LRP5: variants seen among roughly 807,000 people sequenced by gnomAD.
LRP5 encodes LDL receptor related protein 5, also known as low-density lipoprotein receptor-related protein 5.
In LRP5, 62 loss-of-function variants were observed where a neutral mutation model predicts 154.1. The ratio of observed to expected loss-of-function variants is 0.40; its 90% CI spans 0.33 to 0.50. The LOEUF (loss-of-function observed/expected upper bound fraction) is 0.50, where lower values mean the gene tolerates loss of function less well. Among genes scored for constraint, LRP5 ranks in the 20% least tolerant of loss-of-function variants. The probability of loss-of-function intolerance (pLI) is 0.55; values close to 1 mark genes in which losing one functional copy is unlikely to be tolerated. For synonymous variants in LRP5, 966 were observed against 1,011.5 expected, an observed-to-expected ratio of 0.96 and a Z score of 0.85; for missense variants, 1,915 against 2,336.7, an observed-to-expected ratio of 0.82 and a Z score of 3.72.
Position 68,423,781 on chromosome 11 carries a change from C to T in LRP5, c.3236+84C>T, listed in dbSNP as rs2098667186. The T allele has an allele frequency of 6.6e-6, 9 of 1,370,876 alleles. No homozygotes were observed. In the South Asian group the frequency reaches 1.1e-4, roughly 17 times the overall value. The allele number at this position is 1,370,876 out of a possible 1,614,324, so 84.9% of individuals were successfully genotyped here. A position where few individuals can be genotyped will look rare whatever the true frequency, so the allele number is the denominator to read the frequency against. Reference sequence around the variant, plus strand: ...CTGCCGAATGCCAGCCTCTCACAGGCTGGGGAGACTTTCCACCCTGGGGAT... The same window carrying T: ...CTGCCGAATGCCAGCCTCTCACAGGTTGGGGAGACTTTCCACCCTGGGGAT... On this transcript the variant is annotated intron_variant, in intron 14 of 22. Transcript: ENST00000294304. This position sits in a 1 kb window ranked among gnomAD's most constrained non-coding sequence, Gnocchi z 4.7.
At chr11:68,352,030 G>A (rs2098619086) in intron 2 of LRP5, among the ~76,000 whole-genome samples, 1 of 152,148 alleles carries the variant, frequency 6.6e-6, no homozygotes, top group Admixed American at 6.5e-5. Flanking sequence ...GGACACATGA[G>A]GTCTCGAGCA....
At chr11:68,350,891 C>CGT (rs140197409) in intron 2 of LRP5, among the ~76,000 whole-genome samples, 116 of 150,860 alleles carry the variant, frequency 7.7e-4, no homozygotes, top group South Asian at 2.1e-3. Context: ...AGGATGTGAG[C>CGT]GTGTGTGTGT....
chr11:68,374,167 G>C (rs569810383), intron 5 of LRP5, among the ~76,000 whole-genome samples: 1 of 152,330 alleles, frequency 6.6e-6, no homozygotes, highest in African/African-American at 2.4e-5. Context: ...GGCCACTGTC[G>C]AGTCTGACGG....
chr11:68,423,584 G>C lies in LRP5; in HGVS notation c.3123G>C (p.Thr1041=). ...IDIYSRTLFW[T]CEATNTINVH... is the part of the protein sequence containing the mutation. Reference sequence around the variant, plus strand: ...TCTACAGCCGGACACTGTTCTGGACGTGCGAGGCCACCAATACCATCAACG... The same window carrying C: ...TCTACAGCCGGACACTGTTCTGGACCTGCGAGGCCACCAATACCATCAACG... Residue 1041 remains threonine, a synonymous_variant, in exon 14 of 23, where the codon ACG becomes ACC. Transcript: ENST00000294304. This position sits in a 1 kb window ranked among gnomAD's most constrained non-coding sequence, Gnocchi z 4.7. 1 of 1,614,220 alleles carries C rather than the reference G, an allele frequency of 6.2e-7. No individual in the cohort carries two copies. The highest frequency in any genetic ancestry group is 1.1e-5 in the South Asian group (1 of 91,086).
chr11:68,324,443 GCAGAGCTC>G (rs1184350167), intron 1 of LRP5, among the ~76,000 whole-genome samples: 4 of 152,160 alleles, frequency 2.6e-5, no homozygotes, highest in Non-Finnish European at 5.9e-5. Flanking sequence ...ATGGCCTGGG[GCAGAGCTC>G]CAGAGAGCCA....
At position 68,362,795 on chromosome 11, in the gene LRP5, A is replaced by T. The variant is rs189256924; in HGVS notation, c.687-952A>T. Among the ~76,000 whole-genome samples the T allele has an allele frequency of 2.1e-4, 32 of 152,264 alleles. 1 individual carries two copies. The highest frequency in any genetic ancestry group is 1.9e-3 in the Admixed American group (29 of 15,298). ...TGAACAGAAGAGGTGGTGGATCTGC[A>T]GAGCCCACAGCTCCCATCTTCCCTG... On this transcript the variant is annotated intron_variant, in intron 3 of 22. Transcript: ENST00000294304.
chr11:68,386,114 T>C lies in LRP5; in HGVS notation c.1016-202T>C, dbSNP rs1255769193. ...ATTTGTAAAATGAGGAAACAAACAGTGCCAGCCTCCCAGAGGTGTCATGAG... is the reference window on the plus strand; with the variant it reads ...ATTTGTAAAATGAGGAAACAAACAGCGCCAGCCTCCCAGAGGTGTCATGAG... On this transcript the variant is annotated intron_variant, in intron 5 of 22. Coordinates refer to ENST00000294304, the MANE Select transcript of LRP5 (RefSeq NM_002335.4). The surrounding 1 kb of genome is among the most constrained non-coding windows in gnomAD (Gnocchi z 7.9). Among the ~76,000 whole-genome samples the C allele has an allele frequency of 1.3e-5, 2 of 152,190 alleles. No homozygotes were observed. The highest frequency in any genetic ancestry group is 2.9e-5 in the Non-Finnish European group (2 of 68,014).
intron 1 of LRP5, among the ~76,000 whole-genome samples, chr11:68,340,781 A>G (rs557845413): frequency 6.6e-6 from 1 of 152,218 alleles, no homozygotes; most frequent in Non-Finnish European, 1.5e-5. Flanking sequence ...AAAATATATT[A>G]AAAACTATAT....
chr11:68,305,125 C>T, the LRP5 span, among the ~76,000 whole-genome samples: 2 of 151,958 alleles, frequency 1.3e-5, no homozygotes, highest in Non-Finnish European at 2.9e-5. Context: ...ACTGTAATTC[C>T]CAATGTTGGG....
intron 1 of LRP5, among the ~76,000 whole-genome samples, chr11:68,331,400 C>A (rs1364934621): frequency 6.6e-6 from 1 of 152,178 alleles, no homozygotes; most frequent in Non-Finnish European, 1.5e-5. Flanking sequence ...CAGGCCCTGC[C>A]CGGGAGCACA....
chr11:68,390,700 CTG>C, intron 7 of LRP5, among the ~76,000 whole-genome samples: 1 of 99,446 alleles, frequency 1.0e-5, no homozygotes, highest in African/African-American at 4.1e-5. Context: ...CAGCCTCGCC[CTG>C]CCGCTGTGGT....
intron 1 of LRP5, among the ~76,000 whole-genome samples, chr11:68,315,636 C>T (rs778486787): frequency 2.6e-5 from 4 of 152,250 alleles, no homozygotes; most frequent in Non-Finnish European, 5.9e-5. Context: ...TGTCTGCTAC[C>T]GAGTGAAGTG....
chr11:68,374,364 G>T (rs569815684), intron 5 of LRP5, among the ~76,000 whole-genome samples: 1 of 152,328 alleles, frequency 6.6e-6, no homozygotes, highest in East Asian at 1.9e-4. Flanking sequence ...GGTCCTGTGG[G>T]GCCGAGTCTG....
At chr11:68,409,494 C>T (rs915596501) in intron 9 of LRP5, among the ~76,000 whole-genome samples, 2 of 151,690 alleles carry the variant, frequency 1.3e-5, no homozygotes, top group African/African-American at 4.8e-5. Context: ...GTGATCTGGT[C>T]CAGAATGTGT....
chr11:68,350,559 C>G (rs2098617455), intron 2 of LRP5, among the ~76,000 whole-genome samples: 1 of 152,366 alleles, frequency 6.6e-6, no homozygotes, highest in African/African-American at 2.4e-5. Context: ...GTGACCTCCC[C>G]CTGACTCCCA....
At chr11:68,433,414 G>T (rs1054403289) in intron 17 of LRP5, among the ~76,000 whole-genome samples, 188 bp from the exon 18 acceptor site, 1 of 152,204 alleles carries the variant, frequency 6.6e-6, no homozygotes, top group African/African-American at 2.4e-5. Flanking sequence ...TTCTGGGTTG[G>T]GGCTGGAGGT....
intron 21 of LRP5, among the ~76,000 whole-genome samples, chr11:68,440,433 C>A (rs932963196): frequency 6.6e-6 from 1 of 152,226 alleles, no homozygotes; most frequent in Admixed American, 6.5e-5. Flanking sequence ...AGCTGAGCCA[C>A]GCCTTGAGTG....
chr11:68,417,277 G>C (rs2098663074), intron 13 of LRP5, among the ~76,000 whole-genome samples: 1 of 152,038 alleles, frequency 6.6e-6, no homozygotes, highest in African/African-American at 2.4e-5. Context: ...AGTGAGCCCA[G>C]GGAGGTCAGA....
chr11:68,350,892 G>T lies in LRP5; in HGVS notation c.488+2649G>T, dbSNP rs534083626. Among the ~76,000 whole-genome samples, 44 of 147,500 alleles carry T rather than the reference G, an allele frequency of 3.0e-4. 1 individual carries two copies. The highest frequency in any genetic ancestry group is 1.5e-5 in the Non-Finnish European group (1 of 66,936). On this transcript the variant is annotated intron_variant, in intron 2 of 22. Transcript: ENST00000294304. Reference sequence around the variant, plus strand: ...AGTGTGGGAGTGGGAGGATGTGAGCGTGTGTGTGTGTGTGTGCGTGTGCAC... The same window carrying T: ...AGTGTGGGAGTGGGAGGATGTGAGCTTGTGTGTGTGTGTGTGCGTGTGCAC...
Sources: allele counts gnomAD v4.1 joint callset (sites outside exome capture counted in the v4.1 genomes callset), GRCh38; gene constraint gnomAD v4.1.1; non-coding constraint Gnocchi (gnomAD v3.1); transcripts MANE v1.5; gene names NCBI Gene and HGNC (gene_info 2026-07-23, HGNC 2026-07-21).